The following OAT variants were observed in gnomAD, a reference collection of about 807,000 sequenced individuals.
OAT encodes ornithine aminotransferase, mitochondrial.
A neutral mutation model predicts 48.4 loss-of-function variants in OAT; 35 were observed. That is an observed-to-expected ratio of 0.72 (90% CI 0.55 to 0.96). OAT has a LOEUF of 0.96. Ranked by LOEUF, OAT falls within the 40% of genes least tolerant of loss-of-function variation. The pLI is 0.00. For missense variants in OAT, 438 were observed against 537.9 expected, an observed-to-expected ratio of 0.81 and a Z score of 1.84; for synonymous variants, 182 against 198.4, an observed-to-expected ratio of 0.92 and a Z score of 0.70.
chr10:124,404,518 C>G (rs190230336), intron 5 of OAT, among the ~76,000 whole-genome samples: 182 of 152,034 alleles, frequency 1.2e-3, no homozygotes, highest in African/African-American at 4.1e-3. Context: ...GACTCCTGAC[C>G]TCAAGCAATC....
intron 2 of OAT, among the ~76,000 whole-genome samples, chr10:124,411,594 G>A (rs779165727): frequency 2.0e-5 from 3 of 152,088 alleles, no homozygotes; most frequent in African/African-American, 4.8e-5. Flanking sequence ...AAGGTGGGAG[G>A]ATCACAAAGT....
chr10:124,403,447 A>ACCC (rs1951474783), intron 6 of OAT: 2 of 413,954 alleles, frequency 4.8e-6, no homozygotes, highest in Admixed American at 7.3e-5. Context: ...ATATACTACT[A>ACCC]TTAGCCCTGG....
intron 2 of OAT, 138 bp downstream of exon 2, chr10:124,411,830 AAAAAG>A (rs1434741806): frequency 4.6e-5 from 35 of 768,488 alleles, no homozygotes; most frequent in East Asian, 1.6e-4. Context: ...AAAAAAAAAA[AAAAAG>A]AAGAAGAAGA....
Position 124,408,580 on chromosome 10 carries a change from T to A in OAT, c.482A>T (p.Lys161Met), listed in dbSNP as rs2134477113. ...KLARKWGYTV[K>M]GIQKYKAKIV... ...CTTTGCTTTGTATTTCTGAATGCCC[T>A]TCACGGTATAGCCCCACTTACGAGC... Residue 161 changes from lysine (K) to methionine (M), a missense_variant, in exon 4 of 10, where the codon AAG becomes ATG. Coordinates refer to ENST00000368845, the MANE Select transcript of OAT (RefSeq NM_000274.4). 1 of 1,612,650 alleles carries A rather than the reference T, an allele frequency of 6.2e-7. No individual in the cohort carries two copies. The highest frequency in any genetic ancestry group is 2.0e-4 in the Middle Eastern group (1 of 5,074).
intron 9 of OAT, among the ~76,000 whole-genome samples, chr10:124,399,895 G>T (rs1052047270): frequency 2.0e-5 from 3 of 152,140 alleles, no homozygotes; most frequent in African/African-American, 7.2e-5. Flanking sequence ...GGGAGGGAAG[G>T]ATAGCAAAGA....
intron 9 of OAT, among the ~76,000 whole-genome samples, chr10:124,400,495 C>CT (rs1951375408): frequency 6.6e-6 from 1 of 151,130 alleles, no homozygotes; most frequent in African/African-American, 2.4e-5. Flanking sequence ...GGGCTCACGC[C>CT]TATAATCCCA....
chr10:124,404,106 A>G (rs1951502607), intron 5 of OAT, among the ~76,000 whole-genome samples, 186 bp from the exon 6 acceptor site: 1 of 152,102 alleles, frequency 6.6e-6, no homozygotes, highest in Non-Finnish European at 1.5e-5. Context: ...TTTAAGTTAC[A>G]CTAGCCTACA....
At chr10:124,411,815 C>CAAAA (rs60176788) in intron 2 of OAT, among the ~76,000 whole-genome samples, 158 bp downstream of exon 2, 2 of 107,584 alleles carry the variant, frequency 1.9e-5, no homozygotes, top group Non-Finnish European at 2.0e-5. Flanking sequence ...GACTCCGTCT[C>CAAAA]AAAAAAAAAA....
chr10:124,405,954 C>T, intron 4 of OAT: 4 of 1,120,858 alleles, frequency 3.6e-6, no homozygotes, highest in Non-Finnish European at 4.4e-6. Context: ...GAAAGAATAT[C>T]CTTCATAGAC....
At position 124,402,939 on chromosome 10, in the gene OAT, C is replaced by A; in HGVS notation, c.888G>T (p.Gly296=). 6.2e-7 allele frequency: 1 copy of A among 1,613,856 alleles called. No homozygotes were observed. Among genetic ancestry groups the A allele is most frequent in the Non-Finnish European group, 8.5e-7 (1 of 1,179,978 alleles). The change falls in exon 7 of 10, where the codon GGG becomes GGT. Residue 296 remains glycine (G), a synonymous_variant. Transcript: ENST00000368845. ...DIVLLGKALS[G]GLYPVSAVLC... Reference sequence around the variant, plus strand: ...ACATGAAACTTACAGGGTATAAGCCCCCAGAAAGGGCCTTTCCAAGGAGGA... The same window carrying A: ...ACATGAAACTTACAGGGTATAAGCCACCAGAAAGGGCCTTTCCAAGGAGGA...
intron 1 of OAT, chr10:124,418,245 G>A (rs1036221881): frequency 3.3e-5 from 5 of 152,382 alleles, no homozygotes; most frequent in Admixed American, 3.3e-4. Context: ...GCTGGAAGAG[G>A]GGAGCGATGG....
In OAT at chr10:124,405,458, T is replaced by C. The variant is rs2134465189; in HGVS notation, c.626A>G (p.Tyr209Cys). Residue 209 changes from tyrosine to cysteine, a missense_variant, in exon 5 of 10, where the codon TAT (tyrosine) becomes TGT (cysteine). Transcript: ENST00000368845. ...TACCTCCAGTGCGGGCAGATCATTATAGGGAATGATGTCGAATCCCGGCAT... is the reference window on the plus strand; with the variant it reads ...TACCTCCAGTGCGGGCAGATCATTACAGGGAATGATGTCGAATCCCGGCAT... The part of the protein sequence containing the change: ...PFMPGFDIIP[Y>C]NDLPALERAL... 1 of 1,613,980 alleles carries C rather than the reference T, an allele frequency of 6.2e-7. No homozygotes were observed. The highest frequency in any genetic ancestry group is 1.1e-5 in the South Asian group (1 of 91,084).
At chr10:124,408,343 ATTTTTT>A (rs146556713) in intron 4 of OAT, among the ~76,000 whole-genome samples, 193 bp downstream of exon 4, 70 of 83,804 alleles carry the variant, frequency 8.4e-4, no homozygotes, top group East Asian at 1.8e-3. Flanking sequence ...ATATATATAT[ATTTTTT>A]TTTTTTTTTT....
chr10:124,416,637 C>A (rs1951926476), intron 1 of OAT, among the ~76,000 whole-genome samples: 1 of 152,124 alleles, frequency 6.6e-6, no homozygotes, highest in Admixed American at 6.5e-5. Context: ...CTCCATCTAG[C>A]CCATCCATCT....
chr10:124,412,389 C>T (rs1046862309), intron 1 of OAT, among the ~76,000 whole-genome samples, 189 bp from the exon 2 acceptor site: 12 of 151,654 alleles, frequency 7.9e-5, no homozygotes, highest in Admixed American at 6.6e-5. Flanking sequence ...TATGCATCTG[C>T]AGTCCCAGCT....
In OAT at chr10:124,403,064, GA is replaced by G. The variant is rs778743727; in HGVS notation, c.772-10del. ...TCAGCAATAAAGAGAACCTATTGGG[GA>G]AAAAAAATACCCCTATTAGTGATCA... On this transcript the variant is annotated splice_polypyrimidine_tract_variant and intron_variant, in intron 6 of 9. Transcript: ENST00000368845. 3.1e-6 allele frequency: 5 copies of G among 1,612,192 alleles called. No individual in the cohort carries two copies. The highest frequency in any genetic ancestry group is 4.5e-5 in the East Asian group (2 of 44,868).
At chr10:124,412,227 A>G in intron 1 of OAT, 27 bp from the exon 2 acceptor site, 1 of 1,537,112 alleles carries the variant, frequency 6.5e-7, no homozygotes, top group Non-Finnish European at 8.9e-7. Context: ...GAATGCATTA[A>G]GAGTGAGAAT....
intron 1 of OAT, 25 bp from the exon 2 acceptor site, chr10:124,412,225 T>G: frequency 2.0e-6 from 3 of 1,522,442 alleles, no homozygotes; most frequent in Non-Finnish European, 2.7e-6. Context: ...GAGAATGCAT[T>G]AAGAGTGAGA....
intron 4 of OAT, 141 bp downstream of exon 4, chr10:124,408,401 G>A (rs1951660776): frequency 1.7e-6 from 1 of 580,820 alleles, no homozygotes; most frequent in African/African-American, 2.0e-5. Context: ...CAGAAGGCTG[G>A]TCTTGAACTC....
Sources: gnomAD v4.1 joint callset for allele counts (sites outside exome capture counted in the v4.1 genomes callset) on GRCh38, gnomAD v4.1.1 for gene constraint, MANE v1.5 for transcripts, NCBI Gene and HGNC (gene_info 2026-07-23, HGNC 2026-07-21) for gene names.